SIN3A: variants seen among roughly 807,000 people sequenced by gnomAD.
SIN3A encodes SIN3 transcription regulator family member A.
SIN3A carries 14 observed loss-of-function variants against 146.1 expected under a neutral mutation model. The ratio of observed to expected loss-of-function variants is 0.10; its 90% confidence interval spans 0.06 to 0.15. The LOEUF is 0.15. Among genes scored for constraint, SIN3A ranks in the 10% least tolerant of loss-of-function variants. SIN3A has a pLI of 1.00. For missense variants in SIN3A, 1,028 were observed against 1,576.0 expected, an observed-to-expected ratio of 0.65 and a Z score of 5.89; for synonymous variants, 572 against 572.0, an observed-to-expected ratio of 1.00 and a Z score of 0.00.
At chr15:75,410,455 T>C (rs776495394) in intron 6 of SIN3A, among the ~76,000 whole-genome samples, 169 bp from the exon 7 acceptor site, 1 of 151,760 alleles carries the variant, frequency 6.6e-6, no homozygotes, top group African/African-American at 2.4e-5. Context: ...AAAAAAAAAG[T>C]TGAAGATGGT....
upstream of SIN3A, chr15:75,453,186 G>A (rs1368084973): frequency 1.3e-5 from 2 of 152,398 alleles, no homozygotes; most frequent in Non-Finnish European, 2.9e-5. Flanking sequence ...CTGCAATCCA[G>A]CGGAAACGGC....
intron 17 of SIN3A, 111 bp from the exon 18 acceptor site, chr15:75,381,816 C>A: frequency 1.1e-6 from 1 of 880,676 alleles, no homozygotes; most frequent in South Asian, 1.5e-5. Flanking sequence ...TTTGCTCCAA[C>A]TGAAGAGATG....
intron 15 of SIN3A, among the ~76,000 whole-genome samples, chr15:75,391,193 TAA>T (rs2073193255): frequency 6.6e-6 from 1 of 152,192 alleles, no homozygotes; most frequent in Non-Finnish European, 1.5e-5. Flanking sequence ...TATGCCAGAA[TAA>T]AGTTTTGAGT....
intron 8 of SIN3A, among the ~76,000 whole-genome samples, chr15:75,408,031 C>A (rs1402315038): frequency 6.6e-6 from 1 of 151,454 alleles, no homozygotes; most frequent in African/African-American, 2.4e-5. Flanking sequence ...AAATCCACCA[C>A]TTACTCTCTA....
intron 17 of SIN3A, among the ~76,000 whole-genome samples, chr15:75,382,075 G>A (rs1198469825): frequency 2.0e-5 from 3 of 152,194 alleles, no homozygotes; most frequent in Non-Finnish European, 4.4e-5. Context: ...CTTCTAGGAC[G>A]TAATAGAGGA....
chr15:75,441,945 C>T (rs973761008), intron 1 of SIN3A, among the ~76,000 whole-genome samples: 4 of 151,416 alleles, frequency 2.6e-5, no homozygotes, highest in Admixed American at 2.0e-4. Context: ...ACGGTGAAAC[C>T]CCATCTGTAC....
At chr15:75,376,913 G>C (rs1321861772) in intron 19 of SIN3A, among the ~76,000 whole-genome samples, 2 of 147,092 alleles carry the variant, frequency 1.4e-5, no homozygotes, top group African/African-American at 5.1e-5. Flanking sequence ...GCTTCAGTGA[G>C]AATCTTTGTA....
Position 75,392,297 on chromosome 15 carries a change from G to T in SIN3A, c.2796C>A (p.Gly932=). 6.2e-7 allele frequency: 1 copy of T among 1,614,136 alleles called. No homozygotes were observed. Among genetic ancestry groups the T allele is most frequent in the South Asian group, 1.1e-5 (1 of 91,084 alleles). Residue 932 remains glycine (G), a synonymous_variant, in exon 15 of 21, where the codon GGC becomes GGA. Coordinates refer to ENST00000394947, the MANE Select transcript of SIN3A (RefSeq NM_001145358.2). ...GGCTGTCACTCTTGTCTCGCTTTATGCCCAGCACTTCCCGTTCCCATTCTC... is the reference window on the plus strand; with the variant it reads ...GGCTGTCACTCTTGTCTCGCTTTATTCCCAGCACTTCCCGTTCCCATTCTC... ...REREWEREVL[G]IKRDKSDSPA... is the part of the protein sequence containing the mutation.
chr15:75,424,220 G>A (rs1351590375), intron 2 of SIN3A, among the ~76,000 whole-genome samples: 1 of 151,920 alleles, frequency 6.6e-6, no homozygotes, highest in Middle Eastern at 3.4e-3. Flanking sequence ...ATCACCTGAG[G>A]TTGGGAGTTC....
chr15:75,441,992 C>T (rs963703831), intron 1 of SIN3A, among the ~76,000 whole-genome samples: 27 of 151,526 alleles, frequency 1.8e-4, no homozygotes, highest in Admixed American at 1.6e-3. Context: ...CAGTGGCACG[C>T]ACCCGTAGTC....
intron 1 of SIN3A, among the ~76,000 whole-genome samples, chr15:75,443,023 G>T (rs115271815): frequency 6.6e-6 from 1 of 150,634 alleles, no homozygotes; most frequent in South Asian, 2.1e-4. Flanking sequence ...TTGCTATGTT[G>T]CCCAGCCTGG....
chr15:75,371,905 C>T lies in SIN3A; in HGVS notation c.*74G>A. ...GGCTTGAAAGGCATCTTCCTTGTTT[C>T]TTCAGTGTGTGAGTGCATAGGCCCA... is the stretch of plus-strand genomic sequence containing the variant. On this transcript the variant is annotated 3_prime_UTR_variant, in exon 21 of 21. Transcript: ENST00000394947. The T allele has an allele frequency of 6.7e-6, 9 of 1,337,600 alleles. No homozygotes were observed. Among genetic ancestry groups the T allele is most frequent in the Middle Eastern group, 3.7e-4 (2 of 5,350 alleles). The allele number at this position is 1,337,600 out of a possible 1,614,324, so 82.9% of individuals were successfully genotyped here.
intron 1 of SIN3A, among the ~76,000 whole-genome samples, chr15:75,439,131 G>A (rs1199682322): frequency 2.0e-5 from 3 of 152,026 alleles, no homozygotes; most frequent in South Asian, 2.1e-4. Context: ...GCCTCCCAAG[G>A]GCACATGTAG....
intron 1 of SIN3A, among the ~76,000 whole-genome samples, chr15:75,444,616 C>A (rs2074272264): frequency 6.6e-6 from 1 of 151,806 alleles, no homozygotes. Context: ...GGCCTGTAAT[C>A]CCAGCACTTT....
At chr15:75,449,792 T>C (rs1410242767) in intron 1 of SIN3A, among the ~76,000 whole-genome samples, 1 of 152,218 alleles carries the variant, frequency 6.6e-6, no homozygotes, top group African/African-American at 2.4e-5. Flanking sequence ...TTTTTGGTTG[T>C]TTTTTGAGGC....
chr15:75,422,263 G>C, intron 3 of SIN3A: 1 of 356,188 alleles, frequency 2.8e-6, no homozygotes. Context: ...TAAAAAGATT[G>C]AACTGTAAGA....
intron 1 of SIN3A, chr15:75,436,580 C>A (rs142777488): frequency 6.6e-6 from 1 of 151,968 alleles, no homozygotes; most frequent in Admixed American, 6.6e-5. Flanking sequence ...ATTGATGGAG[C>A]GATGGATAGA....
intron 17 of SIN3A, among the ~76,000 whole-genome samples, chr15:75,383,271 TAAA>T (rs79340346): frequency 7.0e-5 from 9 of 129,074 alleles, no homozygotes; most frequent in Admixed American, 1.6e-4. Flanking sequence ...GTCCCTGTCT[TAAA>T]AAAAAAAAAA....
In SIN3A at chr15:75,400,879, G is replaced by A; in HGVS notation, c.1588C>T (p.Leu530=). Residue 530 remains leucine, a synonymous_variant, in exon 11 of 21, where the codon CTG becomes TTG. Transcript: ENST00000394947. ...NFLGYKESVH[L]ETYPKERATE... is the part of the protein sequence containing the mutation. Reference sequence around the variant, plus strand: ...GCTCGCTCCTTTGGATAAGTTTCCAGATGTACAGACTCCTTATAGCCCAGA... The same window carrying A: ...GCTCGCTCCTTTGGATAAGTTTCCAAATGTACAGACTCCTTATAGCCCAGA... The A allele has an allele frequency of 6.2e-7, 1 of 1,614,162 alleles. No individual in the cohort carries two copies. The highest frequency in any genetic ancestry group is 1.3e-5 in the African/African-American group (1 of 75,056).
Sources: allele counts gnomAD v4.1 joint callset (sites outside exome capture counted in the v4.1 genomes callset), GRCh38; gene constraint gnomAD v4.1.1; transcripts MANE v1.5; gene names NCBI Gene and HGNC (gene_info 2026-07-23, HGNC 2026-07-21).